The following GALR2 variants were observed in gnomAD, a reference collection of about 807,000 sequenced individuals.
GALR2 encodes galanin receptor type 2.
A neutral mutation model predicts 7.2 loss-of-function variants in GALR2; 5 were observed. The ratio of observed to expected loss-of-function variants is 0.69; its 90% CI spans 0.36 to 1.45. GALR2 has a LOEUF of 1.45. Ranked by LOEUF, GALR2 falls within the 40% of genes most tolerant of loss-of-function variation. GALR2 has a pLI of 0.03. For synonymous variants in GALR2, 300 were observed against 263.9 expected (o/e 1.14, Z -1.32); for missense variants, 561 against 555.7 (o/e 1.01, Z -0.10).
In GALR2 at chr17:76,075,708, G is replaced by A. The variant is rs1371174431; in HGVS notation, c.368+457G>A. On this transcript the variant is annotated intron_variant, in intron 1 of 1. Coordinates refer to ENST00000329003, the MANE Select transcript of GALR2 (RefSeq NM_003857.4). This position sits in a 1 kb window ranked among gnomAD's most constrained non-coding sequence, Gnocchi z 5.9. ...AACTTCAGGCGCCTCCACTGCGCTCGCCTCCAAGCCACGGTTTGGTTGGTT... is the reference window on the plus strand; with the variant it reads ...AACTTCAGGCGCCTCCACTGCGCTCACCTCCAAGCCACGGTTTGGTTGGTT... Among the ~76,000 whole-genome samples, 2 of 152,128 alleles carry A rather than the reference G, an allele frequency of 1.3e-5. No homozygotes were observed. The highest frequency in any genetic ancestry group is 2.9e-5 in the Non-Finnish European group (2 of 68,018).
rs769606264 is a variant in GALR2 at position 76,076,843 on chromosome 17, C to G, written c.576C>G (p.Phe192Leu). ...GCCGCGCCATGGACATCTGCACCTT[C>G]GTCTTCAGCTACCTGCTTCCTGTGC... ...PRRRAMDICT[F>L]VFSYLLPVLV... Residue 192 changes from phenylalanine to leucine, a missense_variant, in exon 2 of 2, where the codon TTC (phenylalanine) becomes TTG (leucine). By Grantham distance (22) the Phe-to-Leu change is conservative (BLOSUM62 0). Coordinates refer to ENST00000329003, the MANE Select transcript of GALR2 (RefSeq NM_003857.4). The surrounding 1 kb of genome is among the most constrained non-coding windows in gnomAD (Gnocchi z 6.5). 3 of 1,605,158 alleles carry G rather than the reference C, an allele frequency of 1.9e-6. No individual in the cohort carries two copies. The highest frequency in any genetic ancestry group is 2.5e-6 in the Non-Finnish European group (3 of 1,179,502).
At position 76,077,324 on chromosome 17, in the gene GALR2, C is replaced by T. The variant is rs766251513; in HGVS notation, c.1057C>T (p.Arg353Cys). Reference protein sequence around the residue: ...LHMSEAAGALRPCPGASQPCI... With the variant: ...LHMSEAAGALCPCPGASQPCI... ...CATGAGCGAGGCGGCGGGGGCCCTTCGTCCCTGCCCCGGCGCTTCCCAGCC... is the reference window on the plus strand; with the variant it reads ...CATGAGCGAGGCGGCGGGGGCCCTTTGTCCCTGCCCCGGCGCTTCCCAGCC... Residue 353 changes from arginine to cysteine, a missense_variant, in exon 2 of 2, where the codon CGT becomes TGT. Transcript: ENST00000329003. The T allele has an allele frequency of 1.9e-6, 3 of 1,573,666 alleles. No individual in the cohort carries two copies. The highest frequency in any genetic ancestry group is 2.3e-5 in the East Asian group (1 of 43,498).
In GALR2 at chr17:76,074,841, A is replaced by G; in HGVS notation, c.-43A>G. On this transcript the variant is annotated 5_prime_UTR_variant, in exon 1 of 2. Coordinates refer to ENST00000329003, the MANE Select transcript of GALR2 (RefSeq NM_003857.4). The surrounding 1 kb of genome is among the most constrained non-coding windows in gnomAD (Gnocchi z 6.7). The stretch of plus-strand genomic sequence containing the variant: ...GGGAGCTTCCCGCTCGCGGAGACCC[A>G]GACGGCTGCAGGAGCCCGGGCAGCC... The G allele has an allele frequency of 6.9e-7, 1 of 1,455,212 alleles. No homozygotes were observed. The highest frequency in any genetic ancestry group is 1.4e-5 in the South Asian group (1 of 70,570). 90.1% of individuals were successfully genotyped at this position (1,455,212 alleles called of 1,614,324 possible). A position where few individuals can be genotyped will look rare whatever the true frequency, so the allele number is the denominator to read the frequency against.
upstream of GALR2, among the ~76,000 whole-genome samples, chr17:76,072,831 C>T (rs1271323059): frequency 6.6e-6 from 1 of 152,240 alleles, no homozygotes; most frequent in Non-Finnish European, 1.5e-5. The surrounding 1 kb of genome is among the most constrained non-coding windows in gnomAD (Gnocchi z 4.5). Context: ...TCACGTCCTG[C>T]CCAGCAGAAA....
At chr17:76,072,401 G>A (rs757301105), upstream of GALR2, 6 of 1,597,988 alleles carry the variant, frequency 3.8e-6, no homozygotes, top group Admixed American at 6.7e-5. The surrounding 1 kb of genome is among the most constrained non-coding windows in gnomAD (Gnocchi z 4.5). Context: ...CCGGCACCAC[G>A]TCCACCGCCG....
upstream of GALR2, among the ~76,000 whole-genome samples, chr17:76,073,096 G>A (rs1023145015): frequency 2.6e-5 from 4 of 152,178 alleles, no homozygotes; most frequent in East Asian, 1.9e-4. Flanking sequence ...AGTCCAAAGA[G>A]GGAGAAGTGT....
chr17:76,072,290 C>T, upstream of GALR2: 1 of 1,608,526 alleles, frequency 6.2e-7, no homozygotes, highest in Non-Finnish European at 8.5e-7. This position sits in a 1 kb window ranked among gnomAD's most constrained non-coding sequence, Gnocchi z 4.5. Context: ...CGAGTTAGGC[C>T]CGATTACTCT....
chr17:76,076,581 C>T lies in GALR2; in HGVS notation c.369-55C>T. The T allele has an allele frequency of 7.9e-7, 1 of 1,268,086 alleles. No individual in the cohort carries two copies. The highest frequency in any genetic ancestry group is 1.1e-6 in the Non-Finnish European group (1 of 907,350). 78.6% of individuals were successfully genotyped at this position (1,268,086 alleles called of 1,614,324 possible). ...GGACCGAGGTGCAGGGGTCGCGGCC[C>T]TCCAGCATGAATGTGCCCGCTCAGC... On this transcript the variant is annotated intron_variant, in intron 1 of 1. Transcript: ENST00000329003. This position sits in a 1 kb window ranked among gnomAD's most constrained non-coding sequence, Gnocchi z 6.5.
Position 76,075,376 on chromosome 17 carries a change from C to G in GALR2, c.368+125C>G, listed in dbSNP as rs934847859. The G allele has an allele frequency of 9.5e-7, 1 of 1,048,814 alleles. No homozygotes were observed. Among genetic ancestry groups the G allele is most frequent in the Non-Finnish European group, 1.4e-6 (1 of 732,794 alleles). The allele number at this position is 1,048,814 out of a possible 1,614,324, so 65.0% of individuals were successfully genotyped here. A position where few individuals can be genotyped will look rare whatever the true frequency, so the allele number is the denominator to read the frequency against. ...AGGACACTAAGAAGGCAGTGGAAGA[C>G]AAGCGGGCGCGGAGGAGGAAAAAGA... On this transcript the variant is annotated intron_variant, in intron 1 of 1. Transcript: ENST00000329003. This position sits in a 1 kb window ranked among gnomAD's most constrained non-coding sequence, Gnocchi z 5.9.
At position 76,074,816 on chromosome 17, in the gene GALR2, G is replaced by T. The variant is rs1429633381; in HGVS notation, c.-68G>T. The T allele has an allele frequency of 6.3e-6, 9 of 1,429,940 alleles. No individual in the cohort carries two copies. In the East Asian group the frequency reaches 2.3e-4, roughly 37 times the overall value. The allele number at this position is 1,429,940 out of a possible 1,614,324, so 88.6% of individuals were successfully genotyped here. A position where few individuals can be genotyped will look rare whatever the true frequency, so the allele number is the denominator to read the frequency against. ...TAGGAGTTGCAGCGGCCGCAGCCCC[G>T]GGAGCTTCCCGCTCGCGGAGACCCA... On this transcript the variant is annotated 5_prime_UTR_variant, in exon 1 of 2. Coordinates refer to ENST00000329003, the MANE Select transcript of GALR2 (RefSeq NM_003857.4). The surrounding 1 kb of genome is among the most constrained non-coding windows in gnomAD (Gnocchi z 6.7).
rs2066896265 is a variant in GALR2 at position 76,077,308 on chromosome 17, G to A, written c.1041G>A (p.Glu347=). Residue 347 remains glutamate (E), a synonymous_variant, in exon 2 of 2, where the codon GAG becomes GAA. Transcript: ENST00000329003. ...RESSDLLHMS[E]AAGALRPCPG... is the part of the protein sequence containing the mutation. The stretch of plus-strand genomic sequence containing the variant: ...CCAGCGACCTGTTGCACATGAGCGA[G>A]GCGGCGGGGGCCCTTCGTCCCTGCC... The A allele has an allele frequency of 6.3e-7, 1 of 1,586,152 alleles. No homozygotes were observed. Among genetic ancestry groups the A allele is most frequent in the Non-Finnish European group, 8.5e-7 (1 of 1,173,112 alleles).
At position 76,075,144 on chromosome 17, in the gene GALR2, C is replaced by T. The variant is rs1204044122; in HGVS notation, c.261C>T (p.Thr87=). 6.2e-7 allele frequency: 1 copy of T among 1,612,736 alleles called. No individual in the cohort carries two copies. The highest frequency in any genetic ancestry group is 1.7e-5 in the Admixed American group (1 of 60,032). Reference sequence around the variant, plus strand: ...TGCCCTTCCAGGCCACCATCTACACCCTGGACGGCTGGGTGTTCGGCTCGC... The same window carrying T: ...TGCCCTTCCAGGCCACCATCTACACTCTGGACGGCTGGGTGTTCGGCTCGC... ...CCVPFQATIY[T]LDGWVFGSLL... The change falls in exon 1 of 2, where the codon ACC becomes ACT. Residue 87 remains threonine, a synonymous_variant. Transcript: ENST00000329003. This position sits in a 1 kb window ranked among gnomAD's most constrained non-coding sequence, Gnocchi z 5.9.
Position 76,074,876 on chromosome 17 carries a change from G to A in GALR2, c.-8G>A. On this transcript the variant is annotated 5_prime_UTR_variant, in exon 1 of 2. Transcript: ENST00000329003. This position sits in a 1 kb window ranked among gnomAD's most constrained non-coding sequence, Gnocchi z 6.7. Reference sequence around the variant, plus strand: ...AGGAGCCCGGGCAGCCTCGGGGTCAGCGGCACCATGAACGTCTCGGGCTGC... The same window carrying A: ...AGGAGCCCGGGCAGCCTCGGGGTCAACGGCACCATGAACGTCTCGGGCTGC... 6.6e-7 allele frequency: 1 copy of A among 1,504,522 alleles called. No individual in the cohort carries two copies. The highest frequency in any genetic ancestry group is 8.8e-7 in the Non-Finnish European group (1 of 1,131,160). 93.2% of individuals were successfully genotyped at this position (1,504,522 alleles called of 1,614,324 possible).
chr17:76,074,476 C>T (rs1391718724), upstream of GALR2, among the ~76,000 whole-genome samples: 1 of 152,224 alleles, frequency 6.6e-6, no homozygotes, highest in African/African-American at 2.4e-5. The surrounding 1 kb of genome is among the most constrained non-coding windows in gnomAD (Gnocchi z 6.7). Context: ...CTCCCTGCGG[C>T]GCGGCGCACA....
chr17:76,075,386 C>G lies in GALR2; in HGVS notation c.368+135C>G, dbSNP rs1473528686. On this transcript the variant is annotated intron_variant, in intron 1 of 1. Transcript: ENST00000329003. The surrounding 1 kb of genome is among the most constrained non-coding windows in gnomAD (Gnocchi z 5.9). The stretch of plus-strand genomic sequence containing the variant: ...GAAGGCAGTGGAAGACAAGCGGGCG[C>G]GGAGGAGGAAAAAGAGGAATAAGAA... The G allele has an allele frequency of 1.1e-6, 1 of 949,558 alleles. No homozygotes were observed. 58.8% of individuals were successfully genotyped at this position (949,558 alleles called of 1,614,324 possible).
In GALR2 at chr17:76,076,669, C is replaced by G; in HGVS notation, c.402C>G (p.Arg134=). The G allele has an allele frequency of 6.3e-7, 1 of 1,596,008 alleles. No individual in the cohort carries two copies. Among genetic ancestry groups the G allele is most frequent in the Non-Finnish European group, 8.5e-7 (1 of 1,176,176 alleles). The change falls in exon 2 of 2, where the codon CGC becomes CGG. Residue 134 remains arginine (R), a synonymous_variant. Coordinates refer to ENST00000329003, the MANE Select transcript of GALR2 (RefSeq NM_003857.4). The surrounding 1 kb of genome is among the most constrained non-coding windows in gnomAD (Gnocchi z 6.5). The part of the protein sequence containing the change: ...YLAIRYPLHS[R]ELRTPRNALA... ...CCATCCGCTACCCGCTGCACTCCCG[C>G]GAGCTGCGCACGCCTCGAAACGCGC...
upstream of GALR2, among the ~76,000 whole-genome samples, chr17:76,072,955 G>A (rs2066868289): frequency 6.6e-6 from 1 of 152,242 alleles, no homozygotes; most frequent in African/African-American, 2.4e-5. The surrounding 1 kb of genome is among the most constrained non-coding windows in gnomAD (Gnocchi z 4.5). Context: ...GCCTCTGCCT[G>A]CCCTTTCCTC....
chr17:76,075,087 CG>C lies in GALR2; in HGVS notation c.205del (p.Val69TrpfsTer93). On this transcript the variant is annotated frameshift_variant, in exon 1 of 2. Transcript: ENST00000329003. LOFTEE classifies it high-confidence loss of function. The surrounding 1 kb of genome is among the most constrained non-coding windows in gnomAD (Gnocchi z 5.9). ...TTNLFILNLGVADLCFILCCV... is the reference protein window; with the variant it reads ...TTNLFILNLGXADLCFILCCV... ...CCAACCTGTTCATCCTTAACCTGGG[CG>C]TGGCCGACCTGTGTTTCATCCTGTG... 6.2e-7 allele frequency: 1 copy of C among 1,612,126 alleles called. No individual in the cohort carries two copies.
rs2066882432 is a variant in GALR2 at position 76,075,136 on chromosome 17, A to ATC, written c.255_256dup (p.Tyr86SerfsTer77). On this transcript the variant is annotated frameshift_variant, in exon 1 of 2. Transcript: ENST00000329003. LOFTEE classifies it high-confidence loss of function. This position sits in a 1 kb window ranked among gnomAD's most constrained non-coding sequence, Gnocchi z 5.9. ...GTGCTGCGTGCCCTTCCAGGCCACC[A>ATC]TCTACACCCTGGACGGCTGGGTGTT... The ATC allele has an allele frequency of 6.2e-7, 1 of 1,612,476 alleles. No homozygotes were observed. Among genetic ancestry groups the ATC allele is most frequent in the African/African-American group, 1.3e-5 (1 of 74,812 alleles).
Sources: gnomAD v4.1 joint callset for allele counts (sites outside exome capture counted in the v4.1 genomes callset) on GRCh38, gnomAD v4.1.1 for gene constraint, Gnocchi (gnomAD v3.1) non-coding constraint, MANE v1.5 for transcripts, NCBI Gene and HGNC (gene_info 2026-07-23, HGNC 2026-07-21) for gene names.